Variants in CTNND2 observed in about 807,000 individuals in gnomAD.
The protein encoded by CTNND2 is catenin delta 2, also known as catenin delta-2.
CTNND2 carries 22 observed loss-of-function variants against 144.4 expected under a neutral mutation model. The ratio of observed to expected loss-of-function variants is 0.15; its 90% confidence interval spans 0.11 to 0.22. The LOEUF is 0.22. CTNND2 is among the 10% of genes least tolerant of loss of function. The pLI is 1.00. For synonymous variants in CTNND2, 751 were observed against 695.6 expected (o/e 1.08, Z -1.25); for missense variants, 1,353 against 1,618.8 (o/e 0.84, Z 2.82).
chr5:11,059,435 C>A (rs1746693760), intron 16 of CTNND2, among the ~76,000 whole-genome samples: 2 of 152,216 alleles, frequency 1.3e-5, no homozygotes, highest in African/African-American at 4.8e-5. Flanking sequence ...ACTTGCTCCT[C>A]CTTGCCTTCC....
At chr5:11,655,224 A>G (rs1487644425) in intron 2 of CTNND2, among the ~76,000 whole-genome samples, 1 of 152,098 alleles carries the variant, frequency 6.6e-6, no homozygotes, top group Non-Finnish European at 1.5e-5. Flanking sequence ...CTTAGTGGGA[A>G]TGCCTCTAGT....
chr5:11,849,504 T>C lies in CTNND2; in HGVS notation c.37+54313A>G, dbSNP rs75678908. Among the ~76,000 whole-genome samples, 595 of 152,280 alleles carry C rather than the reference T, an allele frequency of 3.9e-3. 7 individuals are homozygous for C. Among genetic ancestry groups the C allele is most frequent in the African/African-American group, 0.014 (579 of 41,558 alleles). ...TACTCCAGGTTAAGTTCATTTTCCA[T>C]GGTTTGCAAAGGGAGTCCCAACTAA... On this transcript the variant is annotated intron_variant, in intron 1 of 21. Transcript: ENST00000304623.
chr5:11,846,419 T>C (rs1178165155), intron 1 of CTNND2, among the ~76,000 whole-genome samples: 1 of 152,090 alleles, frequency 6.6e-6, no homozygotes, highest in Non-Finnish European at 1.5e-5. Flanking sequence ...GACCCCTATC[T>C]CTCACCATAT....
chr5:11,667,075 T>C (rs1209163951), intron 2 of CTNND2, among the ~76,000 whole-genome samples: 2 of 152,164 alleles, frequency 1.3e-5, no homozygotes, highest in South Asian at 2.1e-4. Context: ...GCTTCATCCA[T>C]ATCCCTAAAA....
chr5:10,984,361 A>G (rs535566977), intron 20 of CTNND2, among the ~76,000 whole-genome samples: 1 of 152,328 alleles, frequency 6.6e-6, no homozygotes, highest in South Asian at 2.1e-4. Flanking sequence ...TTGCTGATAG[A>G]AAATGTCACT....
At chr5:11,543,619 T>C (rs1391892299) in intron 3 of CTNND2, among the ~76,000 whole-genome samples, 2 of 135,270 alleles carry the variant, frequency 1.5e-5, no homozygotes, top group African/African-American at 5.7e-5. Context: ...ATATACATTA[T>C]ATATCAGTAA....
At chr5:11,710,825 G>A (rs1785981260) in intron 2 of CTNND2, among the ~76,000 whole-genome samples, 2 of 152,170 alleles carry the variant, frequency 1.3e-5, no homozygotes, top group Admixed American at 6.5e-5. Flanking sequence ...AGTTTGCTAT[G>A]TGCATCAAAG....
At chr5:11,796,381 G>A (rs770916251) in intron 1 of CTNND2, among the ~76,000 whole-genome samples, 9 of 152,184 alleles carry the variant, frequency 5.9e-5, no homozygotes, top group Non-Finnish European at 1.0e-4. Context: ...AACTACTTTT[G>A]CACTATTCTC....
At chr5:11,003,134 C>T (rs1345622350) in intron 18 of CTNND2, among the ~76,000 whole-genome samples, 1 of 152,140 alleles carries the variant, frequency 6.6e-6, no homozygotes, top group East Asian at 1.9e-4. Flanking sequence ...AAGCTTTTCA[C>T]CTTAGCTGTC....
Position 11,253,508 on chromosome 5 carries a change from T to TTC in CTNND2, c.1629-16687_1629-16686dup, listed in dbSNP as rs570144895. Among the ~76,000 whole-genome samples, 32 of 152,310 alleles carry TTC rather than the reference T, an allele frequency of 2.1e-4. 1 individual carries two copies. The South Asian group carries it at 6.2e-3, about 30-fold the overall frequency. ...GTTTTCCCCTTTTGCTTGGCTCTCATTCTCTCTTGCCTGCTGCCATGTAAG... is the reference window on the plus strand; with the variant it reads ...GTTTTCCCCTTTTGCTTGGCTCTCATTCTCTCTCTTGCCTGCTGCCATGTAAG... On this transcript the variant is annotated intron_variant, in intron 9 of 21. Transcript: ENST00000304623.
At chr5:11,891,995 G>A (rs752470561) in intron 1 of CTNND2, among the ~76,000 whole-genome samples, 2 of 152,220 alleles carry the variant, frequency 1.3e-5, no homozygotes, top group Non-Finnish European at 2.9e-5. Flanking sequence ...CACAGTCTGT[G>A]AATCTGTTGT....
intron 3 of CTNND2, among the ~76,000 whole-genome samples, chr5:11,541,021 G>A (rs1286317932): frequency 6.6e-6 from 1 of 152,174 alleles, no homozygotes; most frequent in African/African-American, 2.4e-5. Context: ...GAGTCAGACT[G>A]CAAAATACGA....
chr5:11,424,887 T>C (rs1394303611), intron 3 of CTNND2, among the ~76,000 whole-genome samples: 2 of 152,192 alleles, frequency 1.3e-5, no homozygotes, highest in East Asian at 3.9e-4. Context: ...TGACTTCTGA[T>C]TATCCCTTTG....
chr5:11,139,739 C>T (rs2149732451), intron 12 of CTNND2, among the ~76,000 whole-genome samples: 1 of 152,312 alleles, frequency 6.6e-6, no homozygotes, highest in African/African-American at 2.4e-5. Context: ...GCTGCTGTAA[C>T]AAATTAACAC....
At chr5:11,018,707 C>CTTT (rs35528177) in intron 17 of CTNND2, among the ~76,000 whole-genome samples, 34 of 129,598 alleles carry the variant, frequency 2.6e-4, no homozygotes, top group Non-Finnish European at 4.0e-4. Context: ...GGCCCTGACT[C>CTTT]TTTTTTTTTT....
chr5:11,150,546 A>G (rs1757655195), intron 12 of CTNND2, among the ~76,000 whole-genome samples: 1 of 151,522 alleles, frequency 6.6e-6, no homozygotes, highest in African/African-American at 2.4e-5. Flanking sequence ...GCAGTGCAGC[A>G]CAGATAGCAT....
At chr5:11,189,599 T>C (rs1736035180) in intron 11 of CTNND2, among the ~76,000 whole-genome samples, 1 of 152,242 alleles carries the variant, frequency 6.6e-6, no homozygotes, top group Non-Finnish European at 1.5e-5. Flanking sequence ...AAATAGAGTA[T>C]ATAATATGTA....
rs191259822 is a variant in CTNND2 at position 11,337,007 on chromosome 5, C to T, written c.1628+9365G>A. 4.6e-4 allele frequency among the ~76,000 whole-genome samples: 70 copies of T among 152,250 alleles called. No individual in the cohort carries two copies. In the East Asian group the frequency reaches 8.9e-3, roughly 19 times the overall value. ...CCTCTCTCTGGTGAGGGTTCCACAACGTGGGAACCAACTTTGGGTAGCAGG... is the reference window on the plus strand; with the variant it reads ...CCTCTCTCTGGTGAGGGTTCCACAATGTGGGAACCAACTTTGGGTAGCAGG... On this transcript the variant is annotated intron_variant, in intron 9 of 21. Transcript: ENST00000304623.
chr5:11,342,202 T>C (rs987223558), intron 9 of CTNND2, among the ~76,000 whole-genome samples: 16 of 152,232 alleles, frequency 1.1e-4, no homozygotes, highest in African/African-American at 3.9e-4. Flanking sequence ...ATAAGTAATA[T>C]TCATTAATGA....
Sources: gnomAD v4.1 joint callset for allele counts (sites outside exome capture counted in the v4.1 genomes callset) on GRCh38, gnomAD v4.1.1 for gene constraint, MANE v1.5 for transcripts, NCBI Gene and HGNC (gene_info 2026-07-23, HGNC 2026-07-21) for gene names.